GALNT13: variants seen among roughly 807,000 people sequenced by gnomAD.
The protein encoded by GALNT13 is polypeptide N-acetylgalactosaminyltransferase 13.
In GALNT13, 28 loss-of-function variants were observed where a neutral mutation model predicts 64.2. The observed-to-expected ratio is 0.44, with a 90% CI of 0.32 to 0.60. The LOEUF is 0.60. GALNT13 is among the 20% of genes least tolerant of loss of function. The probability of loss-of-function intolerance (pLI) is 0.05; values close to 1 mark genes in which losing one functional copy is unlikely to be tolerated. For synonymous variants in GALNT13, 214 were observed against 224.6 expected (o/e 0.95, Z 0.42); for missense variants, 577 against 669.8 (o/e 0.86, Z 1.53).
the GALNT13 span, among the ~76,000 whole-genome samples, chr2:153,177,909 A>C: frequency 2.0e-5 from 3 of 151,998 alleles, no homozygotes; most frequent in Non-Finnish European, 2.9e-5. Flanking sequence ...CCACCATTCT[A>C]CTCGCTGCTT....
chr2:154,295,235 C>T (rs79512333), intron 8 of GALNT13, among the ~76,000 whole-genome samples: 2,926 of 151,998 alleles, frequency 0.019, 68 homozygotes, highest in African/African-American at 0.059. Context: ...TGACTTTTTT[C>T]CCCCCAATTA....
the GALNT13 span, among the ~76,000 whole-genome samples, chr2:153,439,807 G>A: frequency 6.6e-6 from 1 of 152,088 alleles, no homozygotes; most frequent in Non-Finnish European, 1.5e-5. Context: ...CTCACACATG[G>A]TGCACTGCAC....
At chr2:153,719,855 A>C in the GALNT13 span, among the ~76,000 whole-genome samples, 17 of 151,984 alleles carry the variant, frequency 1.1e-4, no homozygotes, top group African/African-American at 4.1e-4. Flanking sequence ...GTCTGAGATC[A>C]AACTGCAAGG....
At chr2:153,977,614 T>G (rs1694167610) in intron 3 of GALNT13, among the ~76,000 whole-genome samples, 1 of 152,096 alleles carries the variant, frequency 6.6e-6, no homozygotes, top group Non-Finnish European at 1.5e-5. Flanking sequence ...AAGAAGAGAT[T>G]TGGGTGGAGA....
chr2:153,628,292 CAG>C, the GALNT13 span, among the ~76,000 whole-genome samples: 1 of 151,838 alleles, frequency 6.6e-6, no homozygotes, highest in African/African-American at 2.4e-5. Flanking sequence ...CGTCTGCAAA[CAG>C]GGACAATTTG....
At chr2:153,104,488 A>C in the GALNT13 span, among the ~76,000 whole-genome samples, 1 of 152,214 alleles carries the variant, frequency 6.6e-6, no homozygotes, top group Non-Finnish European at 1.5e-5. Flanking sequence ...ATGAAAAGGT[A>C]CATGTTTCTG....
intron 2 of GALNT13, among the ~76,000 whole-genome samples, chr2:153,940,280 C>T (rs1691243961): frequency 7.4e-6 from 1 of 135,718 alleles, no homozygotes; most frequent in Non-Finnish European, 1.5e-5. Context: ...TTTTTTTTGA[C>T]AGAGTCTTGC....
At chr2:153,783,362 C>A in the GALNT13 span, among the ~76,000 whole-genome samples, 2 of 152,066 alleles carry the variant, frequency 1.3e-5, no homozygotes, top group African/African-American at 4.8e-5. Context: ...TTAAAATTAA[C>A]AAAATAAAAG....
At chr2:153,729,314 AT>A in the GALNT13 span, among the ~76,000 whole-genome samples, 1 of 152,206 alleles carries the variant, frequency 6.6e-6, no homozygotes, top group Middle Eastern at 3.4e-3. Context: ...AGATGTACAT[AT>A]TTTTAATATA....
chr2:153,392,892 C>T, the GALNT13 span, among the ~76,000 whole-genome samples: 4 of 152,066 alleles, frequency 2.6e-5, no homozygotes, highest in African/African-American at 9.6e-5. Flanking sequence ...GGGATTAGTG[C>T]CCTTATAAAA....
At chr2:153,247,363 C>T in the GALNT13 span, among the ~76,000 whole-genome samples, 2 of 152,162 alleles carry the variant, frequency 1.3e-5, no homozygotes, top group Non-Finnish European at 2.9e-5. Context: ...GGCAGGTATT[C>T]TAATATCTAC....
At chr2:154,082,901 A>G (rs1701344217) in intron 3 of GALNT13, among the ~76,000 whole-genome samples, 1 of 151,950 alleles carries the variant, frequency 6.6e-6, no homozygotes, top group African/African-American at 2.4e-5. Context: ...GCTGTGCAGA[A>G]GCTCTTTAGT....
At chr2:154,239,031 C>T (rs1007276264) in intron 4 of GALNT13, among the ~76,000 whole-genome samples, 1 of 151,972 alleles carries the variant, frequency 6.6e-6, no homozygotes, top group African/African-American at 2.4e-5. Context: ...AAAATATTAG[C>T]CCTATTTAAT....
the GALNT13 span, among the ~76,000 whole-genome samples, chr2:153,630,748 A>G: frequency 3.0e-4 from 41 of 134,522 alleles, no homozygotes; most frequent in African/African-American, 1.1e-3. Flanking sequence ...ACCATAAAAA[A>G]AAATTTTAGG....
chr2:153,455,706 A>G, the GALNT13 span, among the ~76,000 whole-genome samples: 104 of 152,194 alleles, frequency 6.8e-4, 1 homozygote, highest in South Asian at 0.01. Flanking sequence ...CGGACAGCTT[A>G]AGTGTTAACA....
chr2:153,164,647 G>T, the GALNT13 span, among the ~76,000 whole-genome samples: 1 of 151,926 alleles, frequency 6.6e-6, no homozygotes, highest in Non-Finnish European at 1.5e-5. Context: ...AAATTTTCTT[G>T]TGTTTTTTTT....
chr2:154,445,731 G>T, intron 12 of GALNT13: 1 of 980,886 alleles, frequency 1.0e-6, no homozygotes, highest in Non-Finnish European at 1.4e-6. Flanking sequence ...TAAGCTGCCT[G>T]AGAGAAGTAG....
the GALNT13 span, among the ~76,000 whole-genome samples, chr2:153,561,922 T>C: frequency 2.0e-5 from 3 of 152,122 alleles, no homozygotes; most frequent in African/African-American, 7.2e-5. Context: ...GAATCAAACA[T>C]ACAGAATAAT....
upstream of GALNT13, chr2:153,871,873 C>CGGGAGGCGGCGGGCTGGGGT (rs1685966700): frequency 7.0e-5 from 2 of 28,452 alleles, no homozygotes; most frequent in Admixed American, 4.6e-4. Context: ...GAGGAGGGAC[C>CGGGAGGCGGCGGGCTGGGGT]GGGAGGCGGC....
Sources: allele counts gnomAD v4.1 joint callset (sites outside exome capture counted in the v4.1 genomes callset), GRCh38; gene constraint gnomAD v4.1.1; transcripts MANE v1.5; gene names NCBI Gene and HGNC (gene_info 2026-07-23, HGNC 2026-07-21).